Variants in KCNU1 observed in about 807,000 individuals in gnomAD.
KCNU1 encodes potassium channel subfamily U member 1.
In KCNU1, 93 loss-of-function variants were observed where a neutral mutation model predicts 126.8. That is an observed-to-expected ratio of 0.73 (90% CI 0.62 to 0.87). KCNU1 has a LOEUF of 0.87. KCNU1 is among the 40% of genes least tolerant of loss of function. KCNU1 has a pLI of 0.00. For synonymous variants in KCNU1, 523 were observed against 494.2 expected, an observed-to-expected ratio of 1.06 and a Z score of -0.77; for missense variants, 1,330 against 1,367.1, an observed-to-expected ratio of 0.97 and a Z score of 0.43.
At chr8:36,802,367 T>G (rs1803343637) in intron 2 of KCNU1, among the ~76,000 whole-genome samples, 1 of 152,152 alleles carries the variant, frequency 6.6e-6, no homozygotes, top group Non-Finnish European at 1.5e-5. Context: ...CAGTTTGCCT[T>G]CCTTGGAACT....
chr8:36,933,739 T>C (rs931207042), intron 26 of KCNU1, among the ~76,000 whole-genome samples: 2 of 152,032 alleles, frequency 1.3e-5, no homozygotes, highest in Non-Finnish European at 2.9e-5. Flanking sequence ...AGTGGAGTGG[T>C]CTTGAATAGA....
chr8:36,852,000 T>G (rs1183979676), intron 18 of KCNU1, among the ~76,000 whole-genome samples: 2 of 152,190 alleles, frequency 1.3e-5, no homozygotes, highest in Non-Finnish European at 2.9e-5. Context: ...AGTTATGATG[T>G]TGGCTGTGAA....
intron 19 of KCNU1, among the ~76,000 whole-genome samples, chr8:36,899,629 A>G (rs1485746477): frequency 6.6e-6 from 1 of 152,120 alleles, no homozygotes; most frequent in African/African-American, 2.4e-5. Flanking sequence ...AGAGACCAGG[A>G]AGCAGAGAGA....
intron 19 of KCNU1, among the ~76,000 whole-genome samples, chr8:36,905,171 G>T (rs1807574744): frequency 6.6e-6 from 1 of 152,140 alleles, no homozygotes; most frequent in Non-Finnish European, 1.5e-5. Flanking sequence ...TCAGAGCAAA[G>T]TCTAGGCAAA....
intron 22 of KCNU1, among the ~76,000 whole-genome samples, chr8:36,917,957 G>A (rs10282744): frequency 0.028 from 4,211 of 152,238 alleles, 192 homozygotes; most frequent in African/African-American, 0.096. Flanking sequence ...GTTCTGCAGA[G>A]ACAACAGCAG....
At chr8:36,809,610 A>C (rs772943306) in intron 7 of KCNU1, among the ~76,000 whole-genome samples, 15 of 152,210 alleles carry the variant, frequency 9.9e-5, no homozygotes, top group Non-Finnish European at 1.8e-4. Context: ...CATCCTCCTC[A>C]GCACTCAGGA....
chr8:36,819,086 T>A (rs1010461690), intron 10 of KCNU1, among the ~76,000 whole-genome samples: 3 of 152,178 alleles, frequency 2.0e-5, no homozygotes, highest in African/African-American at 7.2e-5. Flanking sequence ...GCCAAGATAA[T>A]GAACAAATTT....
At chr8:36,805,631 G>A (rs1159018254) in intron 4 of KCNU1, among the ~76,000 whole-genome samples, 1 of 152,030 alleles carries the variant, frequency 6.6e-6, no homozygotes, top group Non-Finnish European at 1.5e-5. Flanking sequence ...CTCCACTGGT[G>A]GCATGCCTGC....
chr8:36,921,725 A>T (rs1008985901), intron 23 of KCNU1, among the ~76,000 whole-genome samples: 21 of 151,140 alleles, frequency 1.4e-4, no homozygotes, highest in Non-Finnish European at 1.8e-4. Flanking sequence ...CTTCTCACGG[A>T]CCACAGTGAC....
At position 36,816,159 on chromosome 8, in the gene KCNU1, G is replaced by A. The variant is rs140146414; in HGVS notation, c.995+472G>A. Among the ~76,000 whole-genome samples, 523 of 152,186 alleles carry A rather than the reference G, an allele frequency of 3.4e-3. 7 individuals carry two copies. The highest frequency in any genetic ancestry group is 0.014 in the South Asian group (68 of 4,822). The stretch of plus-strand genomic sequence containing the variant: ...CCTAAACCATCGGGGGCTCATTTAC[G>A]GATGAGGATTTGCCAGCATGAGAAG... On this transcript the variant is annotated intron_variant, in intron 9 of 26. Transcript: ENST00000399881.
chr8:36,882,647 G>A (rs984841622), intron 19 of KCNU1, among the ~76,000 whole-genome samples: 4 of 151,880 alleles, frequency 2.6e-5, no homozygotes, highest in East Asian at 1.9e-4. Flanking sequence ...ACAGTGGCAC[G>A]ATCTTGGCTC....
intron 7 of KCNU1, among the ~76,000 whole-genome samples, 182 bp downstream of exon 7, chr8:36,808,975 C>T (rs1450506013): frequency 6.6e-6 from 1 of 152,108 alleles, no homozygotes; most frequent in Non-Finnish European, 1.5e-5. Context: ...GCATCTCCTA[C>T]AATCAAGGTG....
Position 36,814,332 on chromosome 8 carries a change from A to G in KCNU1, c.858A>G (p.Thr286=). ...TVGFGDVVAK[T]SLGRTFIMFF... The stretch of plus-strand genomic sequence containing the variant: ...GATTTGGAGATGTGGTAGCCAAGAC[A>G]TCCTTAGGACGGACCTTCATCATGT... Residue 286 remains threonine, a synonymous_variant, in exon 8 of 27, where the codon ACA becomes ACG. Coordinates refer to ENST00000399881, the MANE Select transcript of KCNU1 (RefSeq NM_001031836.3). 6.2e-7 allele frequency: 1 copy of G among 1,613,072 alleles called. No homozygotes were observed. Among genetic ancestry groups the G allele is most frequent in the South Asian group, 1.1e-5 (1 of 90,964 alleles).
At position 36,888,609 on chromosome 8, in the gene KCNU1, A is replaced by G. The variant is rs759147370; in HGVS notation, c.2010-17099A>G. 4 of 534,176 alleles carry G rather than the reference A, an allele frequency of 7.5e-6. No individual in the cohort carries two copies. The East Asian group carries it at 1.6e-4, about 22-fold the overall frequency. 33.1% of individuals were successfully genotyped at this position (534,176 alleles called of 1,614,324 possible). On this transcript the variant is annotated intron_variant, in intron 19 of 26. Transcript: ENST00000399881. ...CTCAGTAAGACAACAGGGAACACTG[A>G]TGACTCACTCATTGGCAGAAATTCC...
At chr8:36,869,786 T>C (rs1585486943) in intron 19 of KCNU1, among the ~76,000 whole-genome samples, 1 of 152,322 alleles carries the variant, frequency 6.6e-6, no homozygotes, top group Admixed American at 6.5e-5. Flanking sequence ...GAAAAATGTT[T>C]CATGCTGTTG....
Position 36,787,314 on chromosome 8 carries a change from C to T in KCNU1, c.204C>T (p.Phe68=), listed in dbSNP as rs1802741438. The T allele has an allele frequency of 1.2e-6, 2 of 1,609,288 alleles. No individual in the cohort carries two copies. The highest frequency in any genetic ancestry group is 1.7e-6 in the Non-Finnish European group (2 of 1,177,516). ...CTTTCTCTTGATTGTAGGAACTGTTCACATCAGGTACCATCGCTAGGAGCC... is the reference window on the plus strand; with the variant it reads ...CTTTCTCTTGATTGTAGGAACTGTTTACATCAGGTACCATCGCTAGGAGCC... The part of the protein sequence containing the change: ...IKGTGIILEL[F]TSGTIARSHV... The change falls in exon 2 of 27, where the codon TTC becomes TTT. Residue 68 remains phenylalanine, a synonymous_variant. Coordinates refer to ENST00000399881, the MANE Select transcript of KCNU1 (RefSeq NM_001031836.3).
intron 19 of KCNU1, among the ~76,000 whole-genome samples, chr8:36,872,442 A>G (rs1202666567): frequency 6.6e-6 from 1 of 152,096 alleles, no homozygotes; most frequent in Non-Finnish European, 1.5e-5. Context: ...CCCTGTAACT[A>G]TGGTGGGGGC....
At chr8:36,916,091 G>T (rs1808090973) in intron 22 of KCNU1, among the ~76,000 whole-genome samples, 1 of 147,250 alleles carries the variant, frequency 6.8e-6, no homozygotes. Flanking sequence ...AAGAACAGGA[G>T]GAGAAGAAGG....
At chr8:36,899,288 G>GA (rs33991113) in intron 19 of KCNU1, among the ~76,000 whole-genome samples, 44 of 149,902 alleles carry the variant, frequency 2.9e-4, no homozygotes, top group East Asian at 1.6e-3. Flanking sequence ...CTAGAAGATA[G>GA]AAAAAAAAAA....
Sources: allele counts gnomAD v4.1 joint callset (sites outside exome capture counted in the v4.1 genomes callset), GRCh38; gene constraint gnomAD v4.1.1; transcripts MANE v1.5; gene names NCBI Gene and HGNC (gene_info 2026-07-23, HGNC 2026-07-21).